RHOJ: variants seen among roughly 807,000 people sequenced by gnomAD.
RHOJ encodes the protein rho-related GTP-binding protein RhoJ.
A neutral mutation model predicts 23.4 loss-of-function variants in RHOJ; 11 were observed. The ratio of observed to expected loss-of-function variants is 0.47; its 90% CI spans 0.30 to 0.78. The LOEUF is 0.78. Among genes scored for constraint, RHOJ ranks in the 30% least tolerant of loss-of-function variants. RHOJ has a pLI of 0.08. For synonymous variants in RHOJ, 102 were observed against 102.7 expected, an observed-to-expected ratio of 0.99 and a Z score of 0.04; for missense variants, 254 against 273.4, an observed-to-expected ratio of 0.93 and a Z score of 0.50.
At chr14:63,267,914 T>C (rs1228064175) in intron 1 of RHOJ, among the ~76,000 whole-genome samples, 1 of 152,210 alleles carries the variant, frequency 6.6e-6, no homozygotes, top group Admixed American at 6.5e-5. Flanking sequence ...TTTAAACAAG[T>C]GCTTTGCTTT....
chr14:63,217,604 C>T (rs1456167523), intron 1 of RHOJ, among the ~76,000 whole-genome samples: 1 of 152,100 alleles, frequency 6.6e-6, no homozygotes, highest in Admixed American at 6.6e-5. Flanking sequence ...AAAACCTAGG[C>T]ATTACCATTC....
intron 1 of RHOJ, among the ~76,000 whole-genome samples, chr14:63,236,748 A>AACACACACACTC (rs71451289): frequency 5.1e-5 from 7 of 138,362 alleles, no homozygotes; most frequent in African/African-American, 1.9e-4. Flanking sequence ...AGAGGCTTGA[A>AACACACACACTC]ACACACACAC....
At chr14:63,215,326 G>A (rs984842072) in intron 1 of RHOJ, among the ~76,000 whole-genome samples, 24 of 152,072 alleles carry the variant, frequency 1.6e-4, no homozygotes, top group Admixed American at 1.2e-3. Context: ...CTTACTAAAC[G>A]GGTACCAAGC....
At chr14:63,290,307 G>T (rs1429538582) in intron 4 of RHOJ, among the ~76,000 whole-genome samples, 1 of 152,134 alleles carries the variant, frequency 6.6e-6, no homozygotes, top group Non-Finnish European at 1.5e-5. Context: ...CTTGTTGAGG[G>T]ATACCTTAAA....
At chr14:63,218,885 A>T (rs1215608726) in intron 1 of RHOJ, among the ~76,000 whole-genome samples, 1 of 152,180 alleles carries the variant, frequency 6.6e-6, no homozygotes, top group Non-Finnish European at 1.5e-5. Flanking sequence ...GTCATCATAA[A>T]AGTTTTTATA....
intron 1 of RHOJ, among the ~76,000 whole-genome samples, chr14:63,235,782 C>T (rs1894778385): frequency 6.6e-6 from 1 of 152,160 alleles, no homozygotes; most frequent in South Asian, 2.1e-4. Flanking sequence ...GTCTGTTGGT[C>T]ATTCATTATT....
chr14:63,269,182 A>G lies in RHOJ; in HGVS notation c.237+14A>G. Reference sequence around the variant, plus strand: ...ACCGCGGGACAGGTACATTTTTATTATCTTGATTCATTGGAGGGCGGTGGT... The same window carrying G: ...ACCGCGGGACAGGTACATTTTTATTGTCTTGATTCATTGGAGGGCGGTGGT... On this transcript the variant is annotated intron_variant, in intron 2 of 4. Coordinates refer to ENST00000316754, the MANE Select transcript of RHOJ (RefSeq NM_020663.5). The G allele has an allele frequency of 6.2e-7, 1 of 1,600,794 alleles. No individual in the cohort carries two copies. The highest frequency in any genetic ancestry group is 8.6e-7 in the Non-Finnish European group (1 of 1,168,072).
chr14:63,247,603 A>T (rs1894998798), intron 1 of RHOJ, among the ~76,000 whole-genome samples: 1 of 152,192 alleles, frequency 6.6e-6, no homozygotes, highest in South Asian at 2.1e-4. Context: ...ATGAAAGTAA[A>T]TTGTCTCCTT....
chr14:63,239,284 A>G (rs1019703880), intron 1 of RHOJ, among the ~76,000 whole-genome samples: 3 of 151,824 alleles, frequency 2.0e-5, no homozygotes, highest in African/African-American at 4.8e-5. Context: ...GCTAATTTTT[A>G]TATTTTTAAT....
intron 1 of RHOJ, among the ~76,000 whole-genome samples, chr14:63,258,561 A>C (rs1160464400): frequency 6.6e-6 from 1 of 152,152 alleles, no homozygotes; most frequent in Non-Finnish European, 1.5e-5. Flanking sequence ...CCTTTGACTG[A>C]GGAGAGAAAG....
intron 2 of RHOJ, among the ~76,000 whole-genome samples, chr14:63,273,937 C>A (rs1881629364): frequency 6.6e-6 from 1 of 152,340 alleles, no homozygotes; most frequent in South Asian, 2.1e-4. Flanking sequence ...AAACCACAGC[C>A]CACAGCAGCT....
chr14:63,284,607 G>A (rs1882021186), intron 4 of RHOJ, among the ~76,000 whole-genome samples: 1 of 152,210 alleles, frequency 6.6e-6, no homozygotes, highest in South Asian at 2.1e-4. Context: ...GGTGAAATGG[G>A]TTTATGCCTG....
chr14:63,219,634 G>A (rs1056469365), intron 1 of RHOJ, among the ~76,000 whole-genome samples: 3 of 152,026 alleles, frequency 2.0e-5, no homozygotes, highest in Non-Finnish European at 4.4e-5. Context: ...TGGTCAACAT[G>A]GTGAAACCCT....
intron 1 of RHOJ, among the ~76,000 whole-genome samples, chr14:63,260,897 G>C (rs949729265): frequency 3.3e-5 from 5 of 151,572 alleles, no homozygotes; most frequent in Admixed American, 2.0e-4. Context: ...ATACCTGATA[G>C]TACTTATATC....
chr14:63,290,791 G>A, intron 4 of RHOJ, 87 bp from the exon 5 acceptor site: 1 of 1,318,288 alleles, frequency 7.6e-7, no homozygotes, highest in Non-Finnish European at 1.0e-6. Context: ...ACAGGCAGAA[G>A]TAAGTGCTTG....
At chr14:63,251,551 G>A (rs1248827829) in intron 1 of RHOJ, among the ~76,000 whole-genome samples, 3 of 152,198 alleles carry the variant, frequency 2.0e-5, no homozygotes, top group Admixed American at 6.5e-5. Flanking sequence ...AGAGAAAGGG[G>A]AAGGTGCTGA....
rs544955094 is a variant in RHOJ, at chr14:63,223,204, G to A, written c.178+18157G>A. Among the ~76,000 whole-genome samples, 630 of 152,290 alleles carry A rather than the reference G, an allele frequency of 4.1e-3. 8 individuals are homozygous for A. Among genetic ancestry groups the A allele is most frequent in the African/African-American group, 0.014 (599 of 41,566 alleles). ...CTGCTGGGTAGAGTTGAGAAGCAGTGGTCAGCCATCTGGACTATTGGTTCT... is the reference window on the plus strand; with the variant it reads ...CTGCTGGGTAGAGTTGAGAAGCAGTAGTCAGCCATCTGGACTATTGGTTCT... On this transcript the variant is annotated intron_variant, in intron 1 of 4. Transcript: ENST00000316754.
chr14:63,213,907 C>T (rs1894294909), intron 1 of RHOJ, among the ~76,000 whole-genome samples: 2 of 152,114 alleles, frequency 1.3e-5, no homozygotes, highest in African/African-American at 4.8e-5. Flanking sequence ...CTTCTGTTCA[C>T]ATTTCACTGG....
Position 63,207,550 on chromosome 14 carries a change from AG to A in RHOJ, c.178+2504del, listed in dbSNP as rs1218765741. 2.6e-5 allele frequency among the ~76,000 whole-genome samples: 4 copies of A among 152,208 alleles called. No individual in the cohort carries two copies. In the East Asian group the frequency reaches 7.7e-4, roughly 29 times the overall value. On this transcript the variant is annotated intron_variant, in intron 1 of 4. Coordinates refer to ENST00000316754, the MANE Select transcript of RHOJ (RefSeq NM_020663.5). ...GGCCTACTTTAAAATGACAACCTGCAGTTGAGTGCTGAGACTTTAGAAGCTA... is the reference window on the plus strand; with the variant it reads ...GGCCTACTTTAAAATGACAACCTGCATTGAGTGCTGAGACTTTAGAAGCTA...
Sources: gnomAD v4.1 joint callset for allele counts (sites outside exome capture counted in the v4.1 genomes callset) on GRCh38, gnomAD v4.1.1 for gene constraint, MANE v1.5 for transcripts, NCBI Gene and HGNC (gene_info 2026-07-23, HGNC 2026-07-21) for gene names.